ZNF737: variants seen among roughly 807,000 people sequenced by gnomAD.
The protein encoded by ZNF737 is zinc finger protein 102 (Y3).
In ZNF737, 13 loss-of-function variants were observed where a neutral mutation model predicts 11.7. That is an observed-to-expected ratio of 1.11 (90% CI 0.73 to 1.77). The LOEUF (loss-of-function observed/expected upper bound fraction) is 1.77, where lower values mean the gene tolerates loss of function less well. Ranked by LOEUF, ZNF737 falls within the 40% of genes most tolerant of loss-of-function variation. ZNF737 has a pLI of 0.00. For synonymous variants in ZNF737, 217 were observed against 216.2 expected, an observed-to-expected ratio of 1.00 and a Z score of -0.03; for missense variants, 636 against 638.0, an observed-to-expected ratio of 1.00 and a Z score of 0.03.
chr19:20,545,265 T>C lies in ZNF737; in HGVS notation c.938A>G (p.Tyr313Cys), dbSNP rs1555756561. 4 of 1,612,656 alleles carry C rather than the reference T, an allele frequency of 2.5e-6. No homozygotes were observed. The highest frequency in any genetic ancestry group is 2.5e-6 in the Non-Finnish European group (3 of 1,179,534). Residue 313 changes from tyrosine (Y) to cysteine (C), a missense_variant, in exon 4 of 4, where the codon TAC (tyrosine) becomes TGC (cysteine). Coordinates refer to ENST00000427401, the MANE Select transcript of ZNF737 (RefSeq NM_001159293.2). ...HKIIHSGEKPYKCEECGKAFK... is the reference protein window; with the variant it reads ...HKIIHSGEKPCKCEECGKAFK... ...GGCTTTGCCACATTCTTCACATTTG[T>C]AGGGTTTCTCTCCGCTATGAATTAT...
At chr19:20,530,516 C>A in the ZNF737 span, among the ~76,000 whole-genome samples, 2 of 144,694 alleles carry the variant, frequency 1.4e-5, no homozygotes. Flanking sequence ...TCAGATGGGG[C>A]GGTTGCCAGG....
rs782605051 is a variant in ZNF737, at chr19:20,545,287, T to C, written c.916A>G (p.Ile306Val). 1 of 1,613,174 alleles carries C rather than the reference T, an allele frequency of 6.2e-7. No homozygotes were observed. The highest frequency in any genetic ancestry group is 1.3e-5 in the African/African-American group (1 of 74,892). Residue 306 changes from isoleucine to valine, a missense_variant, in exon 4 of 4, where the codon ATT becomes GTT. By Grantham distance (29) the Ile-to-Val change is conservative. Transcript: ENST00000427401. ...TTGTAGGGTTTCTCTCCGCTATGAATTATCTTATGCGCAGTAAGGATAGAG... is the reference window on the plus strand; with the variant it reads ...TTGTAGGGTTTCTCTCCGCTATGAACTATCTTATGCGCAGTAAGGATAGAG... ...RSSILTAHKIIHSGEKPYKCE... is the reference protein window; with the variant it reads ...RSSILTAHKIVHSGEKPYKCE...
chr19:20,535,527 C>A (rs530340511), downstream of ZNF737, among the ~76,000 whole-genome samples: 1 of 110,730 alleles, frequency 9.0e-6, no homozygotes, highest in African/African-American at 3.4e-5. Flanking sequence ...ACAAAATCCT[C>A]GTTTTTTTTT....
rs1373397767 is a variant in ZNF737 at position 20,541,995 on chromosome 19, G to C, written c.*2597C>G. ...ACAAATAAAAAATTTAAATAATAAA[G>C]AGTCAAAATTTAATCTATGGGAACA... On this transcript the variant is annotated 3_prime_UTR_variant, in exon 4 of 4. Transcript: ENST00000427401. 1.2e-5 allele frequency: 12 copies of C among 979,294 alleles called. 1 individual carries two copies. Among genetic ancestry groups the C allele is most frequent in the Non-Finnish European group, 1.5e-5 (12 of 824,672 alleles). The allele number at this position is 979,294 out of a possible 1,614,324, so 60.7% of individuals were successfully genotyped here.
At chr19:20,552,933 A>C (rs1028684249) in intron 2 of ZNF737, among the ~76,000 whole-genome samples, 1 of 151,452 alleles carries the variant, frequency 6.6e-6, no homozygotes, top group African/African-American at 2.4e-5. Flanking sequence ...AATTGCTTCA[A>C]CCTGGGAGGT....
At chr19:20,557,163 T>C (rs2144679275) in intron 1 of ZNF737, among the ~76,000 whole-genome samples, 1 of 152,300 alleles carries the variant, frequency 6.6e-6, no homozygotes, top group South Asian at 2.1e-4. Context: ...TAAATAAATG[T>C]CTCCGCAAGC....
At chr19:20,549,684 CTT>C (rs1968594312) in intron 3 of ZNF737, among the ~76,000 whole-genome samples, 1 of 151,988 alleles carries the variant, frequency 6.6e-6, no homozygotes. Flanking sequence ...TATCTCAACA[CTT>C]TGGGAGGCCA....
At chr19:20,546,973 T>C (rs1031378564) in intron 3 of ZNF737, among the ~76,000 whole-genome samples, 3 of 152,158 alleles carry the variant, frequency 2.0e-5, no homozygotes, top group African/African-American at 4.8e-5. Context: ...AAAGCAAAAG[T>C]CAAACTGGCA....
At chr19:20,556,769 TAA>T (rs2144677499) in intron 1 of ZNF737, among the ~76,000 whole-genome samples, 1 of 152,342 alleles carries the variant, frequency 6.6e-6, no homozygotes, top group South Asian at 2.1e-4. Context: ...AATGTCTGAA[TAA>T]GTCTGTTTTT....
chr19:20,560,787 AAAAG>A (rs1404869382), intron 1 of ZNF737, among the ~76,000 whole-genome samples: 5 of 152,212 alleles, frequency 3.3e-5, no homozygotes, highest in Non-Finnish European at 5.9e-5. Context: ...TCTCCAAAAA[AAAAG>A]AAAGAAAGAA....
chr19:20,550,017 A>C (rs1555757988), intron 3 of ZNF737, among the ~76,000 whole-genome samples: 1 of 152,088 alleles, frequency 6.6e-6, no homozygotes, highest in Non-Finnish European at 1.5e-5. Context: ...AATCATTAGC[A>C]TGCACTGTGT....
Position 20,544,503 on chromosome 19 carries a change from C to A in ZNF737, c.*89G>T. 6.5e-7 allele frequency: 1 copy of A among 1,531,344 alleles called. No individual in the cohort carries two copies. Among genetic ancestry groups the A allele is most frequent in the Non-Finnish European group, 8.7e-7 (1 of 1,146,510 alleles). 94.9% of individuals were successfully genotyped at this position (1,531,344 alleles called of 1,614,324 possible). A position where few individuals can be genotyped will look rare whatever the true frequency, so the allele number is the denominator to read the frequency against. On this transcript the variant is annotated 3_prime_UTR_variant, in exon 4 of 4. Transcript: ENST00000427401. ...GAAATAAAGGCTTTGCCACATTTAT[C>A]ACACTTGTACAGTTTCCCTCCAATA... is the stretch of plus-strand genomic sequence containing the variant.
In ZNF737 at chr19:20,541,914, A is replaced by G. The variant is rs1212985968; in HGVS notation, c.*2678T>C. The G allele has an allele frequency of 1.7e-6, 1 of 593,612 alleles. No homozygotes were observed. The highest frequency in any genetic ancestry group is 6.3e-5 in the Admixed American group (1 of 15,776). The allele number at this position is 593,612 out of a possible 1,614,324, so 36.8% of individuals were successfully genotyped here. A position where few individuals can be genotyped will look rare whatever the true frequency, so the allele number is the denominator to read the frequency against. On this transcript the variant is annotated 3_prime_UTR_variant, in exon 4 of 4. Transcript: ENST00000427401. Reference sequence around the variant, plus strand: ...GTAATTACTACATATTGTAGGCCTGAGTCAAAAGATGCCATATAAGGCATA... The same window carrying G: ...GTAATTACTACATATTGTAGGCCTGGGTCAAAAGATGCCATATAAGGCATA...
At chr19:20,553,007 G>T (rs1555759052) in intron 2 of ZNF737, among the ~76,000 whole-genome samples, 1 of 139,214 alleles carries the variant, frequency 7.2e-6, no homozygotes, top group Non-Finnish European at 1.6e-5. Flanking sequence ...GTGAGACTCT[G>T]TCCCCGAAAA....
intron 2 of ZNF737, 129 bp from the exon 3 acceptor site, chr19:20,552,699 A>T: frequency 3.4e-6 from 2 of 586,052 alleles, no homozygotes; most frequent in Non-Finnish European, 5.3e-6. Flanking sequence ...TTTATAACAG[A>T]AATTTCTAAA....
At chr19:20,564,032 G>C (rs1969204088) in intron 1 of ZNF737, 1 of 151,916 alleles carries the variant, frequency 6.6e-6, no homozygotes, top group Admixed American at 6.6e-5. Context: ...TGGGTGTGGT[G>C]GCACGTGCCT....
At chr19:20,556,389 C>A (rs1968890248) in intron 1 of ZNF737, among the ~76,000 whole-genome samples, 1 of 152,186 alleles carries the variant, frequency 6.6e-6, no homozygotes, top group African/African-American at 2.4e-5. Flanking sequence ...GAGGCCTGGG[C>A]TGATAACCAC....
chr19:20,543,661 A>G lies in ZNF737; in HGVS notation c.*931T>C. The G allele has an allele frequency of 1.0e-6, 1 of 985,514 alleles. No individual in the cohort carries two copies. Among genetic ancestry groups the G allele is most frequent in the Non-Finnish European group, 1.2e-6 (1 of 829,940 alleles). 61.0% of individuals were successfully genotyped at this position (985,514 alleles called of 1,614,324 possible). A position where few individuals can be genotyped will look rare whatever the true frequency, so the allele number is the denominator to read the frequency against. ...AGTATGAATTATCCAACCTACAATC[A>G]AGAGTGGCAACCATATAAAGGCTTT... On this transcript the variant is annotated 3_prime_UTR_variant, in exon 4 of 4. Transcript: ENST00000427401.
chr19:20,546,005 T>G (rs782046365), intron 3 of ZNF737, 29 bp from the exon 4 acceptor site: 17 of 1,526,308 alleles, frequency 1.1e-5, no homozygotes, highest in South Asian at 4.1e-5. Context: ...GCACATTACT[T>G]CAATTGGTAG....
Sources: allele counts gnomAD v4.1 joint callset (sites outside exome capture counted in the v4.1 genomes callset), GRCh38; gene constraint gnomAD v4.1.1; transcripts MANE v1.5; gene names NCBI Gene and HGNC (gene_info 2026-07-23, HGNC 2026-07-21).